The following ABCC1 variants were observed in gnomAD, a reference collection of about 807,000 sequenced individuals.
ABCC1 encodes multidrug resistance-associated protein 1.
Under a neutral mutation model 172.9 loss-of-function variants are expected in ABCC1, and 83 were observed. The ratio of observed to expected loss-of-function variants is 0.48; its 90% confidence interval spans 0.40 to 0.58. The LOEUF is 0.58. ABCC1 is among the 20% of genes least tolerant of loss of function. ABCC1 has a pLI of 0.00. For missense variants in ABCC1, 1,817 were observed against 2,002.7 expected (o/e 0.91, Z 1.77); for synonymous variants, 937 against 825.2 (o/e 1.14, Z -2.32).
intron 1 of ABCC1, among the ~76,000 whole-genome samples, chr16:15,974,501 T>G (rs1006112917): frequency 6.6e-5 from 10 of 152,158 alleles, no homozygotes; most frequent in African/African-American, 2.4e-4. Context: ...ATTTTTTAAC[T>G]TTTCCTTCTT....
At chr16:16,091,739 G>A (rs59341605) in intron 19 of ABCC1, among the ~76,000 whole-genome samples, 3,677 of 152,286 alleles carry the variant, frequency 0.024, 157 homozygotes, top group African/African-American at 0.085. Context: ...GTCCTGCAGG[G>A]CCTTCCAGGT....
At chr16:16,121,902 C>A in intron 23 of ABCC1, 73 bp from the exon 24 acceptor site, 3 of 1,540,356 alleles carry the variant, frequency 1.9e-6, no homozygotes, top group Non-Finnish European at 2.7e-6. Flanking sequence ...AGATGTTCTC[C>A]AGCACAGCCC....
intron 23 of ABCC1, among the ~76,000 whole-genome samples, chr16:16,116,841 T>A (rs1441124120): frequency 6.6e-6 from 1 of 152,194 alleles, no homozygotes; most frequent in Non-Finnish European, 1.5e-5. Context: ...ATTACAGGCA[T>A]TGACCCACTG....
At chr16:15,998,565 T>G (rs1274726601) in intron 1 of ABCC1, among the ~76,000 whole-genome samples, 2 of 152,160 alleles carry the variant, frequency 1.3e-5, no homozygotes, top group Non-Finnish European at 2.9e-5. Context: ...AGAGTCAGAT[T>G]TCCTCTCGTC....
intron 5 of ABCC1, among the ~76,000 whole-genome samples, chr16:16,029,321 C>G (rs1013920426): frequency 6.6e-6 from 1 of 152,134 alleles, no homozygotes; most frequent in Admixed American, 6.5e-5. Flanking sequence ...CTCCCGGGTT[C>G]AAGCCATTCT....
intron 23 of ABCC1, among the ~76,000 whole-genome samples, chr16:16,121,177 G>A (rs62032032): frequency 0.1 from 15,330 of 152,150 alleles, 1,167 homozygotes; most frequent in East Asian, 0.39. Context: ...ACCCCGTGAA[G>A]CAAGCTTTGT....
intron 1 of ABCC1, among the ~76,000 whole-genome samples, chr16:15,950,337 G>A (rs774001857): frequency 8.6e-5 from 13 of 151,592 alleles, no homozygotes; most frequent in Non-Finnish European, 1.3e-4. Flanking sequence ...ACCTAGCTTT[G>A]TTTTTTTTGT....
chr16:16,070,652 G>C (rs572577831), intron 13 of ABCC1, among the ~76,000 whole-genome samples: 1 of 152,092 alleles, frequency 6.6e-6, no homozygotes, highest in Non-Finnish European at 1.5e-5. Flanking sequence ...GTGACAGAGC[G>C]AGACTCCATC....
intron 29 of ABCC1, among the ~76,000 whole-genome samples, chr16:16,137,353 G>A (rs933719136): frequency 2.6e-5 from 4 of 152,064 alleles, no homozygotes; most frequent in Non-Finnish European, 5.9e-5. Flanking sequence ...TTCTCCAGCA[G>A]ACCAGCTTGG....
intron 1 of ABCC1, among the ~76,000 whole-genome samples, chr16:15,998,465 G>A (rs528561531): frequency 6.6e-5 from 10 of 152,252 alleles, no homozygotes; most frequent in Non-Finnish European, 1.5e-4. Flanking sequence ...GCTGTTGGCC[G>A]CTGTAGGGGC....
chr16:16,122,492 C>T (rs1294730964), intron 24 of ABCC1, among the ~76,000 whole-genome samples: 1 of 152,146 alleles, frequency 6.6e-6, no homozygotes, highest in Non-Finnish European at 1.5e-5. Context: ...TATTGAGTAT[C>T]TTCATACCGC....
At chr16:16,081,374 C>T (rs955894295) in intron 16 of ABCC1, among the ~76,000 whole-genome samples, 1 of 152,164 alleles carries the variant, frequency 6.6e-6, no homozygotes, top group Non-Finnish European at 1.5e-5. Flanking sequence ...TTCCAAATCC[C>T]GATGGGATCC....
At chr16:15,966,687 G>C (rs1355458687) in intron 1 of ABCC1, among the ~76,000 whole-genome samples, 2 of 136,216 alleles carry the variant, frequency 1.5e-5, no homozygotes, top group African/African-American at 5.5e-5. Context: ...GACTCACTCT[G>C]TTGCCCAGGC....
chr16:15,996,525 T>C (rs1272171255), intron 1 of ABCC1, among the ~76,000 whole-genome samples: 2 of 152,178 alleles, frequency 1.3e-5, no homozygotes, highest in African/African-American at 2.4e-5. Context: ...TCAGTGGCAG[T>C]TGAGATTCAT....
At chr16:15,960,697 G>A (rs1250747908) in intron 1 of ABCC1, among the ~76,000 whole-genome samples, 2 of 152,164 alleles carry the variant, frequency 1.3e-5, no homozygotes, top group Non-Finnish European at 2.9e-5. Flanking sequence ...CAGTGGCAAA[G>A]CTGGCCATGC....
intron 23 of ABCC1, among the ~76,000 whole-genome samples, chr16:16,116,284 A>C (rs932881138): frequency 6.6e-5 from 10 of 152,198 alleles, no homozygotes; most frequent in African/African-American, 2.4e-4. Flanking sequence ...AGTCAGTGAG[A>C]TCAAGGAAGG....
intron 1 of ABCC1, among the ~76,000 whole-genome samples, chr16:16,007,239 TGTGTGA>T (rs1276630197): frequency 2.0e-5 from 3 of 151,780 alleles, no homozygotes; most frequent in African/African-American, 7.3e-5. Context: ...TGTGTGTGTG[TGTGTGA>T]GAGACAGGGT....
rs775085340 is a variant in ABCC1, at chr16:16,076,449, G to A, written c.1988+48G>A. ...GTGATGGTGTGGAGAGAGCCACAGG[G>A]CTTTTGTTAAACGTGGATTCGAATT... On this transcript the variant is annotated intron_variant, in intron 15 of 30. Coordinates refer to ENST00000399410, the MANE Select transcript of ABCC1 (RefSeq NM_004996.4). 7.2e-6 allele frequency: 11 copies of A among 1,519,614 alleles called. No homozygotes were observed. The South Asian group carries it at 1.2e-4, about 17-fold the overall frequency. 94.1% of individuals were successfully genotyped at this position (1,519,614 alleles called of 1,614,324 possible).
At position 16,003,079 on chromosome 16, in the gene ABCC1, G is replaced by A. The variant is rs148020957; in HGVS notation, c.49-4737G>A. ...GGAGACATGGGTGGATGCATGGATG[G>A]ATAGTTGGTTGGGTAGATGGATACA... On this transcript the variant is annotated intron_variant, in intron 1 of 30. Transcript: ENST00000399410. 2.5e-3 allele frequency among the ~76,000 whole-genome samples: 374 copies of A among 152,316 alleles called. No homozygotes were observed. In the Middle Eastern group the frequency reaches 0.027, roughly 11 times the overall value.
Sources: gnomAD v4.1 joint callset for allele counts (sites outside exome capture counted in the v4.1 genomes callset) on GRCh38, gnomAD v4.1.1 for gene constraint, MANE v1.5 for transcripts, NCBI Gene and HGNC (gene_info 2026-07-23, HGNC 2026-07-21) for gene names.